EXTL3: variants seen among roughly 807,000 people sequenced by gnomAD.
EXTL3 encodes exostosin like glycosyltransferase 3, also known as exostosin-like 3.
EXTL3 carries 27 observed loss-of-function variants against 69.3 expected under a neutral mutation model. The ratio of observed to expected loss-of-function variants is 0.39; its 90% CI spans 0.29 to 0.54. The LOEUF is 0.54. Ranked by LOEUF, EXTL3 falls within the 20% of genes least tolerant of loss-of-function variation. EXTL3 has a pLI of 0.69. For missense variants in EXTL3, 1,003 were observed against 1,231.8 expected (o/e 0.81, Z 2.78); for synonymous variants, 511 against 499.4 (o/e 1.02, Z -0.31).
At chr8:28,734,451 C>G (rs1028124497) in intron 4 of EXTL3, among the ~76,000 whole-genome samples, 1 of 152,200 alleles carries the variant, frequency 6.6e-6, no homozygotes, top group African/African-American at 2.4e-5. Flanking sequence ...GTGGCTTACA[C>G]CTGTAATCCC....
intron 3 of EXTL3, among the ~76,000 whole-genome samples, chr8:28,726,570 A>G (rs1801416580): frequency 1.3e-5 from 2 of 152,188 alleles, no homozygotes; most frequent in African/African-American, 4.8e-5. Context: ...GCAGTGGCAC[A>G]GTGACATTTT....
At chr8:28,695,986 C>T (rs1270924690) in intron 1 of EXTL3, among the ~76,000 whole-genome samples, 2 of 152,076 alleles carry the variant, frequency 1.3e-5, no homozygotes, top group South Asian at 2.1e-4. Flanking sequence ...GGTGCGATCA[C>T]GGCTCACTGC....
At chr8:28,733,631 G>C (rs532962428) in intron 4 of EXTL3, among the ~76,000 whole-genome samples, 7 of 148,026 alleles carry the variant, frequency 4.7e-5, no homozygotes, top group Non-Finnish European at 7.4e-5. Context: ...TCCTGGCCTC[G>C]AGCAAGCCTC....
chr8:28,616,626 CAA>C lies in EXTL3; in HGVS notation n.314+8881_314+8882del, dbSNP rs200318701. On this transcript the variant is annotated intron_variant and non_coding_transcript_variant, in intron 2 of 4. Coordinates refer to the EXTL3 transcript ENST00000522725. ...TGGGCGACAGAGCGAGACTCCGTCT[CAA>C]AAAAAAAAAAAAGCCAAAATGTGTG... Among the ~76,000 whole-genome samples the C allele has an allele frequency of 7.2e-3, 928 of 128,052 alleles. 8 individuals are homozygous for C. Among genetic ancestry groups the C allele is most frequent in the African/African-American group, 0.024 (830 of 35,234 alleles). The allele number at this position is 128,052 out of a possible 152,430, so 84.0% of individuals were successfully genotyped here.
At chr8:28,672,896 C>CA (rs925343342) in intron 1 of EXTL3, among the ~76,000 whole-genome samples, 12 of 152,046 alleles carry the variant, frequency 7.9e-5, no homozygotes, top group Non-Finnish European at 1.8e-4. Flanking sequence ...GTAATTGAAT[C>CA]GGGGGGTGGG....
intron 1 of EXTL3, among the ~76,000 whole-genome samples, chr8:28,668,324 CTTTTTTTT>C (rs71549687): frequency 1.2e-5 from 1 of 82,552 alleles, no homozygotes; most frequent in Non-Finnish European, 2.1e-5. Context: ...AGAGTTGTTA[CTTTTTTTT>C]TTTTTTTTTT....
upstream of EXTL3, among the ~76,000 whole-genome samples, chr8:28,698,753 G>C (rs1391923865): frequency 6.6e-6 from 1 of 152,202 alleles, no homozygotes; most frequent in Non-Finnish European, 1.5e-5. Flanking sequence ...CAGCACTTTG[G>C]GAGGCCGAGG....
intron 1 of EXTL3, among the ~76,000 whole-genome samples, chr8:28,653,716 G>A (rs1447121001): frequency 1.3e-5 from 2 of 152,086 alleles, no homozygotes; most frequent in Admixed American, 6.6e-5. Context: ...TTATTCCATT[G>A]GTTGATATGT....
rs151165857 is a variant in EXTL3, at chr8:28,623,343, G to C, written c.-53+533G>C. On this transcript the variant is annotated intron_variant, in intron 1 of 6. Transcript: ENST00000523149. The surrounding 1 kb of genome is among the most constrained non-coding windows in gnomAD (Gnocchi z 4.2). The stretch of plus-strand genomic sequence containing the variant: ...TACCCCAGAGGACACCACAGAATGC[G>C]GACCCCAAAGCCAGCCGTACCTGCG... Among the ~76,000 whole-genome samples the C allele has an allele frequency of 2.3e-3, 353 of 152,268 alleles. 2 individuals are homozygous for C. Among genetic ancestry groups the C allele is most frequent in the African/African-American group, 8.1e-3 (337 of 41,542 alleles).
chr8:28,688,135 C>T lies in EXTL3; in HGVS notation c.-52-25322C>T, dbSNP rs1408553679. ...GGAGTGCAGTGGCACGATCTTGGCT[C>T]ACTGCAACCTCTGCCTCCCAGGTTC... On this transcript the variant is annotated intron_variant, in intron 1 of 6. Coordinates refer to the EXTL3 transcript ENST00000523149. 4.0e-5 allele frequency among the ~76,000 whole-genome samples: 6 copies of T among 150,174 alleles called. No individual in the cohort carries two copies. The South Asian group carries it at 1.3e-3, about 32-fold the overall frequency.
intron 1 of EXTL3, among the ~76,000 whole-genome samples, chr8:28,704,858 C>A (rs1800886482): frequency 6.6e-6 from 1 of 152,160 alleles, no homozygotes; most frequent in South Asian, 2.1e-4. Context: ...TCAGTAGAGA[C>A]TGGGTTTCAC....
chr8:28,739,000 G>A (rs974627966), intron 5 of EXTL3, among the ~76,000 whole-genome samples: 3 of 152,162 alleles, frequency 2.0e-5, no homozygotes, highest in African/African-American at 7.2e-5. Flanking sequence ...GAAGTGTCCC[G>A]GGGTCTAGCC....
At chr8:28,657,497 A>T (rs1369253419) in intron 1 of EXTL3, among the ~76,000 whole-genome samples, 1 of 152,012 alleles carries the variant, frequency 6.6e-6, no homozygotes, top group Non-Finnish European at 1.5e-5. Context: ...CATTTTTTTT[A>T]TTGTAATATT....
intron 5 of EXTL3, chr8:28,740,005 T>C (rs948609340): frequency 6.6e-6 from 1 of 152,244 alleles, no homozygotes. Flanking sequence ...TTTAGTATTT[T>C]TCCTGTGTGA....
intron 1 of EXTL3, among the ~76,000 whole-genome samples, chr8:28,651,864 C>T (rs753580721): frequency 6.6e-6 from 1 of 152,184 alleles, no homozygotes; most frequent in Non-Finnish European, 1.5e-5. Context: ...CTGGCAACTA[C>T]CATTAGACTT....
chr8:28,683,143 T>C (rs1397832545), intron 1 of EXTL3, among the ~76,000 whole-genome samples: 1 of 152,230 alleles, frequency 6.6e-6, no homozygotes, highest in Non-Finnish European at 1.5e-5. Flanking sequence ...AGCAGTACCA[T>C]GCTATTTTGA....
chr8:28,609,901 TAAA>T (rs35274445), intron 2 of EXTL3, among the ~76,000 whole-genome samples: 1,861 of 122,336 alleles, frequency 0.015, 50 homozygotes, highest in African/African-American at 0.05. Flanking sequence ...AAAAAATAAT[TAAA>T]AAAAAAAAAA....
intron 1 of EXTL3, among the ~76,000 whole-genome samples, chr8:28,704,392 C>A (rs1160333922): frequency 6.6e-6 from 1 of 152,228 alleles, no homozygotes; most frequent in Non-Finnish European, 1.5e-5. Context: ...AAGCTGTATT[C>A]CAGTGAAACT....
At chr8:28,617,959 A>G (rs911311634), upstream of EXTL3, among the ~76,000 whole-genome samples, 1 of 152,210 alleles carries the variant, frequency 6.6e-6, no homozygotes, top group Admixed American at 6.5e-5. Context: ...AGAGACAGAA[A>G]GCAGATTTGA....
Sources: gnomAD v4.1 joint callset for allele counts (sites outside exome capture counted in the v4.1 genomes callset) on GRCh38, gnomAD v4.1.1 for gene constraint, Gnocchi (gnomAD v3.1) non-coding constraint, MANE v1.5 for transcripts, NCBI Gene and HGNC (gene_info 2026-07-23, HGNC 2026-07-21) for gene names.